The following KCNIP4 variants were observed in gnomAD, a reference collection of about 807,000 sequenced individuals.
The protein encoded by KCNIP4 is potassium voltage-gated channel interacting protein 4, also known as Kv channel-interacting protein 4.
Under a neutral mutation model 34.0 loss-of-function variants are expected in KCNIP4, and 12 were observed. The ratio of observed to expected loss-of-function variants is 0.35; its 90% CI spans 0.23 to 0.57. KCNIP4 has a LOEUF of 0.57. KCNIP4 is among the 20% of genes least tolerant of loss of function. The pLI, the probability that KCNIP4 is intolerant of heterozygous loss-of-function variation, is 0.83. For synonymous variants in KCNIP4, 124 were observed against 102.2 expected (o/e 1.21, Z -1.29); for missense variants, 238 against 311.7 (o/e 0.76, Z 1.78).
rs78780602 is a variant in KCNIP4, at chr4:20,873,821, C to T, written c.163+8787G>A. 6.8e-3 allele frequency among the ~76,000 whole-genome samples: 1,028 copies of T among 152,254 alleles called. 65 individuals carry two copies. The East Asian group carries it at 0.16, about 24-fold the overall frequency. On this transcript the variant is annotated intron_variant, in intron 2 of 8. Transcript: ENST00000382152. ...CCCAGGAAAGTTTTCAAAATCTGGC[C>T]CCAGATCACTTTGCTGGCTGCTTCT...
At chr4:21,606,585 TTTGTTTG>T (rs1413814385) in intron 1 of KCNIP4, among the ~76,000 whole-genome samples, 1 of 151,984 alleles carries the variant, frequency 6.6e-6, no homozygotes, top group African/African-American at 2.4e-5. Context: ...TGTTTGTTTG[TTTGTTTG>T]TTGTTTGTTG....
chr4:21,537,691 C>A (rs554357216), intron 1 of KCNIP4, among the ~76,000 whole-genome samples: 1 of 152,092 alleles, frequency 6.6e-6, no homozygotes, highest in Non-Finnish European at 1.5e-5. Flanking sequence ...TGAACCCAAT[C>A]TGACTTGTGT....
chr4:21,555,405 A>G (rs1164404244), intron 1 of KCNIP4, among the ~76,000 whole-genome samples: 1 of 152,158 alleles, frequency 6.6e-6, no homozygotes, highest in African/African-American at 2.4e-5. Flanking sequence ...GCTCCCTTCA[A>G]TTACTCCAGC....
chr4:21,757,166 A>AGAAG (rs1560691253), intron 1 of KCNIP4, among the ~76,000 whole-genome samples: 5 of 46,366 alleles, frequency 1.1e-4, no homozygotes, highest in East Asian at 8.5e-4. Context: ...AAAGAAAGAA[A>AGAAG]GAAGGAAGGA....
At chr4:21,423,758 CTT>C (rs1282301868) in intron 1 of KCNIP4, among the ~76,000 whole-genome samples, 1 of 151,346 alleles carries the variant, frequency 6.6e-6, no homozygotes, top group African/African-American at 2.4e-5. Flanking sequence ...AGCATTTGCT[CTT>C]TGTTTCAATG....
In KCNIP4 at chr4:20,950,131, TA is replaced by T. The variant is rs57425716; in HGVS notation, c.62-67423del. Among the ~76,000 whole-genome samples the T allele has an allele frequency of 4.6e-3, 633 of 137,684 alleles. 7 individuals carry two copies. Among genetic ancestry groups the T allele is most frequent in the African/African-American group, 0.015 (544 of 36,932 alleles). 90.3% of individuals were successfully genotyped at this position (137,684 alleles called of 152,430 possible). ...AGAGAAATAAAAATATTTTTTAAAT[TA>T]AAAAAAAAAAAAAGAAAATACTGGT... On this transcript the variant is annotated intron_variant, in intron 1 of 8. Coordinates refer to ENST00000382152, the MANE Select transcript of KCNIP4 (RefSeq NM_025221.6).
In KCNIP4 at chr4:21,129,397, G is replaced by T. The variant is rs184067515; in HGVS notation, c.62-246688C>A. Among the ~76,000 whole-genome samples, 4 of 152,238 alleles carry T rather than the reference G, an allele frequency of 2.6e-5. No homozygotes were observed. The South Asian group carries it at 8.3e-4, about 32-fold the overall frequency. On this transcript the variant is annotated intron_variant, in intron 1 of 8. Coordinates refer to ENST00000382152, the MANE Select transcript of KCNIP4 (RefSeq NM_025221.6). ...CACATTGGTTAACCTCACATTTCAC[G>T]GGTGAGAAAACTTTGGTTCAGAAGG...
intron 1 of KCNIP4, among the ~76,000 whole-genome samples, chr4:21,044,542 C>A (rs1306894152): frequency 3.9e-5 from 6 of 152,216 alleles, no homozygotes; most frequent in South Asian, 2.1e-4. Flanking sequence ...GATCTCTTGA[C>A]CTCATGATCC....
intron 4 of KCNIP4, 86 bp downstream of exon 4, chr4:20,758,735 G>A: frequency 1.0e-6 from 1 of 962,592 alleles, no homozygotes; most frequent in Non-Finnish European, 1.7e-6. Flanking sequence ...TAAAAATGTA[G>A]CATCATGCTA....
At chr4:21,869,709 G>T (rs564788989) in intron 1 of KCNIP4, among the ~76,000 whole-genome samples, 1 of 150,414 alleles carries the variant, frequency 6.6e-6, no homozygotes, top group Non-Finnish European at 1.5e-5. Flanking sequence ...CCCCCCCACC[G>T]CCACATAGAG....
At chr4:21,528,411 G>A (rs1175263189) in intron 1 of KCNIP4, among the ~76,000 whole-genome samples, 1 of 151,942 alleles carries the variant, frequency 6.6e-6, no homozygotes, top group African/African-American at 2.4e-5. Context: ...GCTCATGCCT[G>A]TAATCCCAGC....
chr4:20,861,954 G>T (rs1010292327), intron 2 of KCNIP4, among the ~76,000 whole-genome samples: 4 of 147,078 alleles, frequency 2.7e-5, no homozygotes, highest in African/African-American at 1.0e-4. Flanking sequence ...ATCATGAATG[G>T]CCCCTTATGG....
chr4:21,357,430 T>A (rs575951984), intron 1 of KCNIP4, among the ~76,000 whole-genome samples: 24 of 152,194 alleles, frequency 1.6e-4, no homozygotes, highest in Non-Finnish European at 2.8e-4. Flanking sequence ...GACAAATGGC[T>A]AATATCCAGA....
In KCNIP4 at chr4:21,445,606, C is replaced by T. The variant is rs949485828; in HGVS notation, c.61+502965G>A. ...CTGAAACTGGATCCCTTCCTTACAC[C>T]TTATACAAAAATTAATTCAAGATGG... On this transcript the variant is annotated intron_variant, in intron 1 of 8. Coordinates refer to ENST00000382152, the MANE Select transcript of KCNIP4 (RefSeq NM_025221.6). Among the ~76,000 whole-genome samples the T allele has an allele frequency of 1.1e-3, 172 of 152,260 alleles. 1 individual carries two copies. The highest frequency in any genetic ancestry group is 2.0e-3 in the Non-Finnish European group (135 of 68,016).
intron 1 of KCNIP4, among the ~76,000 whole-genome samples, chr4:21,777,918 T>C (rs1306325958): frequency 6.6e-6 from 1 of 152,182 alleles, no homozygotes; most frequent in Non-Finnish European, 1.5e-5. Context: ...CATTTGCTTA[T>C]AAAAATCTGT....
At chr4:20,816,539 G>A (rs1019692652) in intron 3 of KCNIP4, among the ~76,000 whole-genome samples, 4 of 152,118 alleles carry the variant, frequency 2.6e-5, no homozygotes, top group East Asian at 1.9e-4. Context: ...GGCACAACTC[G>A]CATCATTACA....
At chr4:21,244,642 A>T (rs998879174) in intron 1 of KCNIP4, among the ~76,000 whole-genome samples, 5 of 152,198 alleles carry the variant, frequency 3.3e-5, no homozygotes, top group African/African-American at 1.2e-4. Context: ...TTCTGCACCA[A>T]TGTTGATGAA....
intron 1 of KCNIP4, among the ~76,000 whole-genome samples, chr4:21,395,541 T>TC (rs1335638695): frequency 7.9e-5 from 12 of 152,072 alleles, no homozygotes; most frequent in Non-Finnish European, 1.5e-4. Flanking sequence ...AAGCCTTTTT[T>TC]CCCCCTTTAA....
chr4:21,715,082 T>A lies in KCNIP4; in HGVS notation c.61+233489A>T, dbSNP rs1297609196. ...TTATTTTATTTTATTTTATTTTATT[T>A]TATTTTATTTATTTTTGAGATGGAG... On this transcript the variant is annotated intron_variant, in intron 1 of 8. Coordinates refer to ENST00000382152, the MANE Select transcript of KCNIP4 (RefSeq NM_025221.6). Among the ~76,000 whole-genome samples the A allele has an allele frequency of 5.3e-4, 29 of 54,742 alleles. 8 individuals are homozygous for A. Among genetic ancestry groups the A allele is most frequent in the Non-Finnish European group, 7.1e-4 (27 of 38,036 alleles). The allele number at this position is 54,742 out of a possible 152,430, so 35.9% of individuals were successfully genotyped here. A position where few individuals can be genotyped will look rare whatever the true frequency, so the allele number is the denominator to read the frequency against.
Sources: gnomAD v4.1 joint callset for allele counts (sites outside exome capture counted in the v4.1 genomes callset) on GRCh38, gnomAD v4.1.1 for gene constraint, MANE v1.5 for transcripts, NCBI Gene and HGNC (gene_info 2026-07-23, HGNC 2026-07-21) for gene names.